TMEM164: variants seen among roughly 807,000 people sequenced by gnomAD.
TMEM164 encodes RP13-360B22.2.
Under a neutral mutation model 18.8 loss-of-function variants are expected in TMEM164, and 4 were observed. That is an observed-to-expected ratio of 0.21 (90% CI 0.10 to 0.49). TMEM164 has a LOEUF of 0.49. Among genes scored for constraint, TMEM164 ranks in the 20% least tolerant of loss-of-function variants. The pLI, the probability that TMEM164 is intolerant of heterozygous loss-of-function variation, is 0.98. For synonymous variants in TMEM164, 86 were observed against 101.7 expected (o/e 0.85, Z 0.93); for missense variants, 108 against 239.9 (o/e 0.45, Z 3.63).
intron 2 of TMEM164, among the ~76,000 whole-genome samples, chrX:110,049,475 C>T (rs1935455254): frequency 9.0e-6 from 1 of 111,301 alleles, no homozygotes; most frequent in Non-Finnish European, 1.9e-5. Context: ...CCAAAGCATG[C>T]AGCCTAGATC....
intron 2 of TMEM164, among the ~76,000 whole-genome samples, chrX:110,005,094 C>G (rs1428332131): frequency 8.9e-6 from 1 of 111,984 alleles, no homozygotes; most frequent in African/African-American, 3.2e-5. Context: ...AGCAATCAGT[C>G]TTTTTTAGAT....
chrX:110,113,841 G>A (rs2066324601), intron 4 of TMEM164, among the ~76,000 whole-genome samples: 1 of 111,917 alleles, frequency 8.9e-6, no homozygotes, highest in Non-Finnish European at 1.9e-5. Context: ...TATTCCAGTG[G>A]CCCATATTAC....
intron 3 of TMEM164, among the ~76,000 whole-genome samples, chrX:110,081,787 C>T (rs1335821486): frequency 8.9e-6 from 1 of 112,121 alleles, no homozygotes; most frequent in Non-Finnish European, 1.9e-5. Context: ...CTCTATGGGC[C>T]CTTTGCTGTG....
intron 2 of TMEM164, among the ~76,000 whole-genome samples, chrX:110,044,729 G>A (rs888333737): frequency 9.4e-6 from 1 of 105,953 alleles, no homozygotes; most frequent in Non-Finnish European, 1.9e-5. Flanking sequence ...GGACTTACAG[G>A]CATGAGCTGA....
chrX:110,102,122 T>C (rs1337322901), intron 3 of TMEM164, among the ~76,000 whole-genome samples: 1 of 99,448 alleles, frequency 1.0e-5, no homozygotes, highest in Admixed American at 1.1e-4. Flanking sequence ...GGCCAGGAGA[T>C]CAAGACCAGC....
At chrX:110,171,646 G>A (rs1203497427) in intron 6 of TMEM164, 126 bp downstream of exon 6, 1 of 596,500 alleles carries the variant, frequency 1.7e-6, no homozygotes, top group Non-Finnish European at 2.9e-6. Flanking sequence ...CAGGATGTCA[G>A]ATTGTTGTGT....
chrX:110,068,280 C>T (rs1331794479), intron 3 of TMEM164, among the ~76,000 whole-genome samples: 2 of 112,215 alleles, frequency 1.8e-5, no homozygotes, highest in Non-Finnish European at 3.8e-5. Flanking sequence ...CTGAAATAGC[C>T]ACTTAGTCTC....
chrX:110,005,119 A>ATCTAAAAC (rs1426823099), intron 2 of TMEM164, among the ~76,000 whole-genome samples: 26 of 111,956 alleles, frequency 2.3e-4, no homozygotes, highest in Non-Finnish European at 3.8e-4. Flanking sequence ...GGCTGTGGAA[A>ATCTAAAAC]ACCGGGTGTG....
At chrX:110,040,376 G>A (rs185496107) in intron 2 of TMEM164, among the ~76,000 whole-genome samples, 68 of 111,467 alleles carry the variant, frequency 6.1e-4, no homozygotes, top group Admixed American at 5.8e-3. Context: ...GAACGACTGG[G>A]TATGTTCCTT....
chrX:110,061,742 T>C (rs1371224162), intron 2 of TMEM164, among the ~76,000 whole-genome samples: 1 of 111,524 alleles, frequency 9.0e-6, no homozygotes, highest in Non-Finnish European at 1.9e-5. Context: ...CTGACAAAAA[T>C]AGTAAAATCT....
chrX:110,146,617 C>A (rs1190817717), intron 5 of TMEM164, among the ~76,000 whole-genome samples: 1 of 111,813 alleles, frequency 8.9e-6, no homozygotes. Flanking sequence ...TGACTTTTTA[C>A]TCCAGGACCT....
At chrX:110,014,710 A>G (rs1304198185) in intron 2 of TMEM164, among the ~76,000 whole-genome samples, 1 of 99,935 alleles carries the variant, frequency 1.0e-5, no homozygotes, top group African/African-American at 3.7e-5. Context: ...GGGTGGGCAT[A>G]GACTGGTGAA....
chrX:110,019,617 A>T (rs1237676827), intron 2 of TMEM164, among the ~76,000 whole-genome samples: 1 of 107,344 alleles, frequency 9.3e-6, no homozygotes. Context: ...GATGGTAAAC[A>T]CATAGATGCA....
At chrX:110,080,473 A>C (rs2065736544) in intron 3 of TMEM164, among the ~76,000 whole-genome samples, 1 of 111,764 alleles carries the variant, frequency 8.9e-6, no homozygotes, top group Non-Finnish European at 1.9e-5. Flanking sequence ...GGTCTGATAA[A>C]GCAGAACAGT....
At chrX:110,010,204 C>G (rs977070613) in intron 2 of TMEM164, among the ~76,000 whole-genome samples, 4 of 112,252 alleles carry the variant, frequency 3.6e-5, no homozygotes, top group African/African-American at 1.3e-4. Context: ...GACATGCCAA[C>G]TTTCTTGCTT....
At chrX:110,145,383 A>G (rs1403985591) in intron 5 of TMEM164, among the ~76,000 whole-genome samples, 3 of 110,992 alleles carry the variant, frequency 2.7e-5, no homozygotes, top group Non-Finnish European at 3.8e-5. Flanking sequence ...ACCACTGAAA[A>G]CCTTCATTTG....
At chrX:110,162,218 T>C (rs766432731) in intron 5 of TMEM164, among the ~76,000 whole-genome samples, 16 of 112,704 alleles carry the variant, frequency 1.4e-4, no homozygotes, top group African/African-American at 5.1e-4. Context: ...CACAGCAGCT[T>C]GGTAAGAGTA....
intron 4 of TMEM164, among the ~76,000 whole-genome samples, chrX:110,122,128 A>G (rs929295908): frequency 5.4e-5 from 6 of 110,582 alleles, no homozygotes; most frequent in African/African-American, 1.6e-4. Flanking sequence ...ATGCACATGT[A>G]TGTTTATTGC....
At chrX:110,139,371 C>T (rs769910128) in intron 4 of TMEM164, among the ~76,000 whole-genome samples, 1 of 111,045 alleles carries the variant, frequency 9.0e-6, no homozygotes, top group African/African-American at 3.3e-5. Context: ...TGCATGTTAT[C>T]TTCTAATGGC....
Sources: gnomAD v4.1 joint callset for allele counts (sites outside exome capture counted in the v4.1 genomes callset) on GRCh38, gnomAD v4.1.1 for gene constraint, MANE v1.5 for transcripts, NCBI Gene and HGNC (gene_info 2026-07-23, HGNC 2026-07-21) for gene names.